The following SORCS1 variants were observed in gnomAD, a reference collection of about 807,000 sequenced individuals.
The protein encoded by SORCS1 is VPS10 domain-containing receptor SorCS1.
In SORCS1, 60 loss-of-function variants were observed where a neutral mutation model predicts 146.1. That is an observed-to-expected ratio of 0.41 (90% CI 0.33 to 0.51). The LOEUF (loss-of-function observed/expected upper bound fraction) is 0.51. SORCS1 is among the 20% of genes least tolerant of loss of function. The pLI is 0.21. For synonymous variants in SORCS1, 637 were observed against 584.0 expected (o/e 1.09, Z -1.31); for missense variants, 1,352 against 1,487.6 (o/e 0.91, Z 1.50).
intron 1 of SORCS1, among the ~76,000 whole-genome samples, chr10:107,109,344 C>G (rs1308769301): frequency 6.6e-6 from 1 of 152,240 alleles, no homozygotes; most frequent in Non-Finnish European, 1.5e-5. Flanking sequence ...CCTCCAAAAT[C>G]TAGACGGAGG....
chr10:106,976,531 C>T (rs990743870), intron 1 of SORCS1, among the ~76,000 whole-genome samples: 11 of 151,982 alleles, frequency 7.2e-5, no homozygotes, highest in Admixed American at 4.6e-4. Flanking sequence ...TGGGGTTTCA[C>T]CGTGTTAGCT....
chr10:107,017,113 GC>G (rs1957930745), intron 1 of SORCS1, among the ~76,000 whole-genome samples: 1 of 152,190 alleles, frequency 6.6e-6, no homozygotes, highest in African/African-American at 2.4e-5. Context: ...TTAACATTAA[GC>G]CATGCTTACT....
intron 1 of SORCS1, among the ~76,000 whole-genome samples, chr10:107,104,964 T>C: frequency 6.6e-6 from 1 of 152,334 alleles, no homozygotes; most frequent in Non-Finnish European, 1.5e-5. Context: ...CTGTGGTATA[T>C]TCAGAAGAAT....
chr10:107,134,584 A>G (rs1315841251), intron 1 of SORCS1, among the ~76,000 whole-genome samples: 5 of 152,156 alleles, frequency 3.3e-5, no homozygotes, highest in African/African-American at 1.2e-4. Flanking sequence ...GGTTGCAGTG[A>G]GCCGAGATCG....
intron 1 of SORCS1, among the ~76,000 whole-genome samples, chr10:107,130,384 T>C (rs1346289108): frequency 6.6e-6 from 1 of 152,224 alleles, no homozygotes; most frequent in East Asian, 1.9e-4. Flanking sequence ...CTTATAATAG[T>C]TTTAAAGTAG....
At chr10:106,692,515 A>G (rs1229163204) in intron 9 of SORCS1, among the ~76,000 whole-genome samples, 4 of 152,238 alleles carry the variant, frequency 2.6e-5, no homozygotes, top group African/African-American at 9.6e-5. Flanking sequence ...GTACTGGACA[A>G]TGAAAATGAC....
In SORCS1 at chr10:106,671,229, A is replaced by G; in HGVS notation, c.2189+8T>C. ...AAATGGCTCCAGGAGATAATTGCAC[A>G]AGCTCACCAATCAAAATCAGCCTCA... On this transcript the variant is annotated splice_region_variant and intron_variant, in intron 16 of 25. Coordinates refer to ENST00000263054, the MANE Select transcript of SORCS1 (RefSeq NM_052918.5). 1 of 1,614,034 alleles carries G rather than the reference A, an allele frequency of 6.2e-7. No homozygotes were observed.
intron 24 of SORCS1, among the ~76,000 whole-genome samples, chr10:106,594,588 T>C (rs1845798942): frequency 6.6e-6 from 1 of 152,138 alleles, no homozygotes; most frequent in Non-Finnish European, 1.5e-5. Flanking sequence ...GCCTCCAGAA[T>C]TGAAGAATGG....
chr10:107,088,402 T>C (rs573361335), intron 1 of SORCS1, among the ~76,000 whole-genome samples: 1 of 152,276 alleles, frequency 6.6e-6, no homozygotes, highest in African/African-American at 2.4e-5. Flanking sequence ...GCACTGCATC[T>C]GAAGGCAGGC....
chr10:107,029,866 A>G (rs1958571466), intron 1 of SORCS1, among the ~76,000 whole-genome samples: 1 of 152,214 alleles, frequency 6.6e-6, no homozygotes, highest in South Asian at 2.1e-4. Context: ...TGTTGAAAAC[A>G]TAAGCCACAT....
chr10:106,959,561 T>C (rs1955126945), intron 1 of SORCS1, among the ~76,000 whole-genome samples: 2 of 152,224 alleles, frequency 1.3e-5, no homozygotes, highest in Non-Finnish European at 1.5e-5. Context: ...CCAAAATCAC[T>C]ACATTTAAAT....
chr10:107,021,303 G>T (rs1958119325), intron 1 of SORCS1, among the ~76,000 whole-genome samples: 1 of 151,876 alleles, frequency 6.6e-6, no homozygotes, highest in Non-Finnish European at 1.5e-5. Flanking sequence ...ACGAGGTCAG[G>T]AGATCGAGAC....
intron 1 of SORCS1, among the ~76,000 whole-genome samples, chr10:107,044,739 C>T (rs907759041): frequency 2.0e-5 from 3 of 146,362 alleles, no homozygotes; most frequent in Non-Finnish European, 4.5e-5. Context: ...AGGAGAATCG[C>T]TTGAGTAGGT....
intron 3 of SORCS1, among the ~76,000 whole-genome samples, chr10:106,791,735 T>G (rs2136522245): frequency 6.6e-6 from 1 of 152,280 alleles, no homozygotes; most frequent in Non-Finnish European, 1.5e-5. Flanking sequence ...TTGCAACCAC[T>G]TTTGATACAC....
chr10:107,067,436 C>T (rs571803802), intron 1 of SORCS1, among the ~76,000 whole-genome samples: 3 of 152,018 alleles, frequency 2.0e-5, no homozygotes, highest in African/African-American at 7.3e-5. Context: ...CTGCAGGTAG[C>T]AACAGTCCCT....
chr10:106,938,322 T>G (rs982896300), intron 2 of SORCS1, among the ~76,000 whole-genome samples: 1 of 152,210 alleles, frequency 6.6e-6, no homozygotes, highest in Non-Finnish European at 1.5e-5. Flanking sequence ...ATCTTTGCCC[T>G]ACTACAACGA....
At chr10:106,859,663 G>A (rs1368599070) in intron 2 of SORCS1, among the ~76,000 whole-genome samples, 1 of 152,142 alleles carries the variant, frequency 6.6e-6, no homozygotes, top group Admixed American at 6.5e-5. Context: ...AAAGTGCTGG[G>A]ATTACAGGCA....
chr10:106,947,142 G>C (rs553560082), intron 2 of SORCS1, among the ~76,000 whole-genome samples: 9 of 152,264 alleles, frequency 5.9e-5, no homozygotes, highest in African/African-American at 2.2e-4. Flanking sequence ...TAAAAGTTAC[G>C]TATTGAAAAT....
At chr10:106,948,263 T>C (rs1954467976) in intron 2 of SORCS1, among the ~76,000 whole-genome samples, 1 of 146,772 alleles carries the variant, frequency 6.8e-6, no homozygotes, top group Admixed American at 6.9e-5. Flanking sequence ...CTAGGTGGTA[T>C]GTAAGAAACT....
Sources: allele counts gnomAD v4.1 joint callset (sites outside exome capture counted in the v4.1 genomes callset), GRCh38; gene constraint gnomAD v4.1.1; transcripts MANE v1.5; gene names NCBI Gene and HGNC (gene_info 2026-07-23, HGNC 2026-07-21).